Variants in ESRRG observed in about 807,000 individuals in gnomAD.
ESRRG encodes estrogen related receptor gamma.
In ESRRG, 13 loss-of-function variants were observed where a neutral mutation model predicts 44.0. The observed-to-expected ratio is 0.30, with a 90% CI of 0.19 to 0.47. The LOEUF is 0.47. Ranked by LOEUF, ESRRG falls within the 20% of genes least tolerant of loss-of-function variation. The pLI is 1.00. For missense variants in ESRRG, 395 were observed against 580.6 expected, an observed-to-expected ratio of 0.68 and a Z score of 3.29; for synonymous variants, 215 against 214.6, an observed-to-expected ratio of 1.00 and a Z score of -0.02.
chr1:217,099,889 G>T (rs918386834), intron 1 of ESRRG, among the ~76,000 whole-genome samples: 3 of 151,916 alleles, frequency 2.0e-5, no homozygotes, highest in South Asian at 2.1e-4. Context: ...CAGTTGACCA[G>T]TTCCTCTCCA....
At chr1:216,599,490 T>C (rs1010173700) in intron 3 of ESRRG, among the ~76,000 whole-genome samples, 1 of 152,184 alleles carries the variant, frequency 6.6e-6, no homozygotes, top group Non-Finnish European at 1.5e-5. Flanking sequence ...TTTCGATTTT[T>C]ACCCAAGTGC....
At chr1:216,752,034 T>C (rs2092067165) in intron 2 of ESRRG, among the ~76,000 whole-genome samples, 5 of 152,202 alleles carry the variant, frequency 3.3e-5, no homozygotes, top group Admixed American at 3.3e-4. Flanking sequence ...CTTGGTTACT[T>C]CAAGGCGTCC....
chr1:216,985,079 A>G (rs572041209), intron 1 of ESRRG, among the ~76,000 whole-genome samples: 1 of 152,292 alleles, frequency 6.6e-6, no homozygotes, highest in Non-Finnish European at 1.5e-5. Context: ...GAACCCCTTT[A>G]TGGCAGGTGC....
chr1:216,978,904 A>G (rs1369604889), intron 1 of ESRRG, among the ~76,000 whole-genome samples: 2 of 152,112 alleles, frequency 1.3e-5, no homozygotes, highest in Non-Finnish European at 2.9e-5. Context: ...ATCAGGCTAC[A>G]TGCTTAAAGA....
intron 2 of ESRRG, among the ~76,000 whole-genome samples, chr1:216,658,804 G>A (rs187235364): frequency 2.7e-4 from 41 of 151,138 alleles, no homozygotes; most frequent in African/African-American, 9.7e-4. Flanking sequence ...CTGCAGCCCA[G>A]CCTGGGTGTG....
chr1:217,084,578 AC>A lies in ESRRG; in HGVS notation c.-106+4928del, dbSNP rs2091965710. Reference sequence around the variant, plus strand: ...GAATGCAAAAGTTTTGCTATACTTCACATAATGTTGGCAACCTGAATTTAAA... The same window carrying A: ...GAATGCAAAAGTTTTGCTATACTTCAATAATGTTGGCAACCTGAATTTAAA... On this transcript the variant is annotated intron_variant, in intron 1 of 7. Coordinates refer to the ESRRG transcript ENST00000359162. Among the ~76,000 whole-genome samples, 4 of 152,216 alleles carry A rather than the reference AC, an allele frequency of 2.6e-5. No homozygotes were observed. The South Asian group carries it at 8.3e-4, about 31-fold the overall frequency.
intron 3 of ESRRG, among the ~76,000 whole-genome samples, chr1:216,617,634 A>C (rs914787433): frequency 1.3e-5 from 2 of 152,228 alleles, no homozygotes; most frequent in Non-Finnish European, 2.9e-5. Context: ...TAAGTCCAAC[A>C]ATAGCATGTT....
At chr1:216,952,536 A>C (rs3122530) in intron 1 of ESRRG, among the ~76,000 whole-genome samples, 1 of 151,888 alleles carries the variant, frequency 6.6e-6, no homozygotes, top group African/African-American at 2.4e-5. Flanking sequence ...TCCTGTGGCA[A>C]CCTAACCAGT....
intron 3 of ESRRG, among the ~76,000 whole-genome samples, chr1:216,599,457 C>T (rs980619853): frequency 6.6e-6 from 1 of 151,926 alleles, no homozygotes; most frequent in Non-Finnish European, 1.5e-5. Context: ...TGAATTATTC[C>T]ACTTAACAAG....
intron 1 of ESRRG, among the ~76,000 whole-genome samples, chr1:217,120,402 G>A (rs77699203): frequency 2.0e-5 from 3 of 150,534 alleles, no homozygotes; most frequent in Non-Finnish European, 4.4e-5. Flanking sequence ...AACAAGTCTA[G>A]TATCATCCAA....
chr1:216,736,670 C>T (rs1043683402), intron 2 of ESRRG, among the ~76,000 whole-genome samples: 1 of 152,136 alleles, frequency 6.6e-6, no homozygotes, highest in Admixed American at 6.6e-5. Context: ...CTGCATTTCG[C>T]TGGGCTTCAG....
At chr1:217,121,395 A>G (rs2092817961) in intron 1 of ESRRG, among the ~76,000 whole-genome samples, 1 of 152,152 alleles carries the variant, frequency 6.6e-6, no homozygotes, top group Admixed American at 6.5e-5. Flanking sequence ...TAAAATGATG[A>G]TCAGATTTGC....
chr1:216,520,358 G>T (rs1248780705), intron 5 of ESRRG, among the ~76,000 whole-genome samples: 1 of 152,026 alleles, frequency 6.6e-6, no homozygotes, highest in Non-Finnish European at 1.5e-5. Flanking sequence ...CTTTTTATCT[G>T]AATTACCTAT....
rs544803043 is a variant in ESRRG, at chr1:216,730,753, T to C, written c.-13-53262A>G. Among the ~76,000 whole-genome samples, 7 of 152,118 alleles carry C rather than the reference T, an allele frequency of 4.6e-5. No individual in the cohort carries two copies. In the South Asian group the frequency reaches 1.5e-3, roughly 32 times the overall value. ...AGTAATATGGGAAAAATTTAAGAGA[T>C]AAGATGATTGGAAAAAATAGGTAAA... is the stretch of plus-strand genomic sequence containing the variant. On this transcript the variant is annotated intron_variant, in intron 2 of 7. Coordinates refer to the ESRRG transcript ENST00000359162.
At chr1:217,029,383 C>T (rs2081700276) in intron 1 of ESRRG, among the ~76,000 whole-genome samples, 1 of 152,128 alleles carries the variant, frequency 6.6e-6, no homozygotes, top group Non-Finnish European at 1.5e-5. Flanking sequence ...CACCAGGAAA[C>T]TGAGCAGGCC....
In ESRRG at chr1:217,015,032, C is replaced by A. The variant is rs557007215; in HGVS notation, c.-106+74475G>T. Among the ~76,000 whole-genome samples, 3 of 152,274 alleles carry A rather than the reference C, an allele frequency of 2.0e-5. No homozygotes were observed. The South Asian group carries it at 6.2e-4, about 32-fold the overall frequency. ...AAAAGCAGAAACCCCATTGAACAAT[C>A]TGCTCTGAAAATAAAGAAGATCAAC... On this transcript the variant is annotated intron_variant, in intron 1 of 7. Coordinates refer to the ESRRG transcript ENST00000359162.
At chr1:216,619,531 T>A (rs2061893078) in intron 3 of ESRRG, among the ~76,000 whole-genome samples, 1 of 152,162 alleles carries the variant, frequency 6.6e-6, no homozygotes, top group Non-Finnish European at 1.5e-5. Context: ...CGTAAGAGCT[T>A]TCCAGGAAGG....
intron 1 of ESRRG, among the ~76,000 whole-genome samples, chr1:216,955,886 A>G (rs1413246544): frequency 6.6e-6 from 1 of 151,972 alleles, no homozygotes; most frequent in Non-Finnish European, 1.5e-5. Context: ...CCCATTTCTA[A>G]TTGAATTATT....
At chr1:216,939,341 G>GAAAAAA (rs1560188109) in intron 2 of ESRRG, among the ~76,000 whole-genome samples, 2 of 4,530 alleles carry the variant, frequency 4.4e-4, no homozygotes, top group African/African-American at 6.1e-4. Context: ...CCTACACATA[G>GAAAAAA]ACAAAAAAAA....
Sources: allele counts gnomAD v4.1 joint callset (sites outside exome capture counted in the v4.1 genomes callset), GRCh38; gene constraint gnomAD v4.1.1; transcripts MANE v1.5; gene names NCBI Gene and HGNC (gene_info 2026-07-23, HGNC 2026-07-21).